Variants in RXRA observed in about 807,000 individuals in gnomAD.
RXRA encodes retinoic acid receptor RXR-alpha.
Under a neutral mutation model 44.5 loss-of-function variants are expected in RXRA, and 5 were observed. The ratio of observed to expected loss-of-function variants is 0.11; its 90% confidence interval spans 0.06 to 0.24. The LOEUF is 0.24. RXRA is among the 10% of genes least tolerant of loss of function. RXRA has a pLI of 1.00. For synonymous variants in RXRA, 291 were observed against 271.4 expected (o/e 1.07, Z -0.71); for missense variants, 412 against 646.5 (o/e 0.64, Z 3.93).
chr9:134,372,374 G>A (rs1830501659), intron 1 of RXRA, among the ~76,000 whole-genome samples: 1 of 152,204 alleles, frequency 6.6e-6, no homozygotes, highest in South Asian at 2.1e-4. Context: ...GTCCTGGGCC[G>A]ATTATGGGAG....
intron 1 of RXRA, among the ~76,000 whole-genome samples, chr9:134,328,559 A>G (rs1834951923): frequency 6.6e-6 from 1 of 152,174 alleles, no homozygotes; most frequent in Non-Finnish European, 1.5e-5. Context: ...CCCAGGGCTG[A>G]GCAGAGAGCC....
rs540011152 is a variant in RXRA at position 134,379,617 on chromosome 9, G to T, written c.29-22015G>T. 8.3e-5 allele frequency: 82 copies of T among 985,408 alleles called. No homozygotes were observed. The African/African-American group carries it at 1.3e-3, about 16-fold the overall frequency. The allele number at this position is 985,408 out of a possible 1,614,324, so 61.0% of individuals were successfully genotyped here. ...TCCTGTGCTCCCTGACAGCCGCAGG[G>T]TCTCACCCTCCTGCTCCAGCCCCTC... is the stretch of plus-strand genomic sequence containing the variant. On this transcript the variant is annotated intron_variant, in intron 1 of 9. Transcript: ENST00000481739.
At chr9:134,367,303 G>T (rs1420639943) in intron 1 of RXRA, among the ~76,000 whole-genome samples, 3 of 152,160 alleles carry the variant, frequency 2.0e-5, no homozygotes, top group Admixed American at 6.5e-5. Flanking sequence ...TAGGTGCTGC[G>T]CTGGGCAGGG....
intron 6 of RXRA, chr9:134,422,816 G>A (rs1372924523): frequency 1.0e-6 from 1 of 985,352 alleles, no homozygotes; most frequent in Non-Finnish European, 1.2e-6. Flanking sequence ...GAGGTAATGG[G>A]CTGTCGGTGG....
chr9:134,342,982 G>A lies in RXRA; in HGVS notation c.28+16323G>A, dbSNP rs782721624. On this transcript the variant is annotated intron_variant, in intron 1 of 9. Coordinates refer to ENST00000481739, the MANE Select transcript of RXRA (RefSeq NM_002957.6). This position sits in a 1 kb window ranked among gnomAD's most constrained non-coding sequence, Gnocchi z 4.4. The stretch of plus-strand genomic sequence containing the variant: ...ATTAGAGGCCAGGAAACCCAATCCC[G>A]CAGCCTAGGCAGTGGGGGGACCTCC... Among the ~76,000 whole-genome samples, 3 of 152,182 alleles carry A rather than the reference G, an allele frequency of 2.0e-5. No individual in the cohort carries two copies. The highest frequency in any genetic ancestry group is 4.8e-5 in the African/African-American group (2 of 41,438).
Position 134,407,542 on chromosome 9 carries a change from G to A in RXRA, c.280-607G>A, listed in dbSNP as rs546752419. On this transcript the variant is annotated intron_variant, in intron 2 of 9. Transcript: ENST00000481739. The surrounding 1 kb of genome is among the most constrained non-coding windows in gnomAD (Gnocchi z 4.8). ...CGGCAGCGTGCGGGCCGGCGGGTGGGGCGGAGGGGTGTGCAGAGAGGCCAG... is the reference window on the plus strand; with the variant it reads ...CGGCAGCGTGCGGGCCGGCGGGTGGAGCGGAGGGGTGTGCAGAGAGGCCAG... Among the ~76,000 whole-genome samples, 1 of 152,338 alleles carries A rather than the reference G, an allele frequency of 6.6e-6. No individual in the cohort carries two copies. The highest frequency in any genetic ancestry group is 2.4e-5 in the African/African-American group (1 of 41,572).
At chr9:134,413,000 C>T (rs999220510) in intron 4 of RXRA, among the ~76,000 whole-genome samples, 8 of 152,202 alleles carry the variant, frequency 5.3e-5, no homozygotes, top group African/African-American at 9.6e-5. Flanking sequence ...TATGTGTGCA[C>T]GTGTGTGCAT....
Position 134,417,235 on chromosome 9 carries a change from A to T in RXRA, c.688A>T (p.Met230Leu). ...VESTSSANED[M>L]PVERILEAEL... ...GTCGACCAGCAGCGCCAACGAGGACATGCCGGTGGAGAGGATCCTGGAGGC... is the reference window on the plus strand; with the variant it reads ...GTCGACCAGCAGCGCCAACGAGGACTTGCCGGTGGAGAGGATCCTGGAGGC... Residue 230 changes from methionine to leucine, a missense_variant, in exon 5 of 10, where the codon ATG becomes TTG. Met to Leu is a conservative substitution (Grantham distance 15). Coordinates refer to ENST00000481739, the MANE Select transcript of RXRA (RefSeq NM_002957.6). This position sits in a 1 kb window ranked among gnomAD's most constrained non-coding sequence, Gnocchi z 6.1. 1.2e-6 allele frequency: 2 copies of T among 1,613,884 alleles called. No homozygotes were observed. The highest frequency in any genetic ancestry group is 1.7e-6 in the Non-Finnish European group (2 of 1,179,980).
intron 1 of RXRA, among the ~76,000 whole-genome samples, chr9:134,368,082 C>T (rs1199089028): frequency 2.0e-5 from 3 of 152,234 alleles, no homozygotes; most frequent in African/African-American, 4.8e-5. Flanking sequence ...CCTGCGGCAG[C>T]GGGCCTGGGG....
Position 134,401,818 on chromosome 9 carries a change from T to C in RXRA, c.215T>C (p.Met72Thr), listed in dbSNP as rs200887536. 1 of 1,611,990 alleles carries C rather than the reference T, an allele frequency of 6.2e-7. No homozygotes were observed. Among genetic ancestry groups the C allele is most frequent in the East Asian group, 2.2e-5 (1 of 44,782 alleles). ...CCTTTCTCGGTCATCAGCTCCCCCATGGGCCCCCACTCCATGTCGGTGCCC... is the reference window on the plus strand; with the variant it reads ...CCTTTCTCGGTCATCAGCTCCCCCACGGGCCCCCACTCCATGTCGGTGCCC... ...GPPFSVISSP[M>T]GPHSMSVPTT... The change falls in exon 2 of 10, where the codon ATG (methionine) becomes ACG (threonine). Residue 72 changes from methionine to threonine, a missense_variant. Transcript: ENST00000481739.
intron 1 of RXRA, among the ~76,000 whole-genome samples, chr9:134,357,018 G>A (rs1588261754): frequency 6.6e-6 from 1 of 152,376 alleles, no homozygotes; most frequent in Non-Finnish European, 1.5e-5. Flanking sequence ...GGCAGAGCCG[G>A]GGAGGCGTGA....
Position 134,422,799 on chromosome 9 carries a change from C to T in RXRA, c.910+994C>T, listed in dbSNP as rs1162377120. The T allele has an allele frequency of 1.2e-5, 12 of 985,352 alleles. No individual in the cohort carries two copies. The East Asian group carries it at 3.4e-4, about 28-fold the overall frequency. The allele number at this position is 985,352 out of a possible 1,614,324, so 61.0% of individuals were successfully genotyped here. On this transcript the variant is annotated intron_variant, in intron 6 of 9. Coordinates refer to ENST00000481739, the MANE Select transcript of RXRA (RefSeq NM_002957.6). The stretch of plus-strand genomic sequence containing the variant: ...GTACCATGCGGGGTCTCTCAGTGGC[C>T]TTCAGAGAGGTAATGGGCTGTCGGT...
At chr9:134,356,607 C>T (rs1830286682) in intron 1 of RXRA, among the ~76,000 whole-genome samples, 1 of 152,222 alleles carries the variant, frequency 6.6e-6, no homozygotes, top group African/African-American at 2.4e-5. Context: ...GTCTTATCAC[C>T]AAGAGATGGC....
At chr9:134,327,054 G>T (rs1018752604) in intron 1 of RXRA, among the ~76,000 whole-genome samples, 7 of 151,970 alleles carry the variant, frequency 4.6e-5, no homozygotes, top group African/African-American at 1.7e-4. Flanking sequence ...CTGGGGACCG[G>T]GACGGCGCGC....
chr9:134,330,073 G>A (rs1240572974), intron 1 of RXRA, among the ~76,000 whole-genome samples: 4 of 152,204 alleles, frequency 2.6e-5, no homozygotes, highest in South Asian at 2.1e-4. Context: ...CTTGGGTGAC[G>A]TTTGGTTTTG....
chr9:134,426,122 A>C lies in RXRA; in HGVS notation c.911-2986A>C. 1.0e-6 allele frequency: 1 copy of C among 985,410 alleles called. No individual in the cohort carries two copies. The allele number at this position is 985,410 out of a possible 1,614,324, so 61.0% of individuals were successfully genotyped here. A position where few individuals can be genotyped will look rare whatever the true frequency, so the allele number is the denominator to read the frequency against. On this transcript the variant is annotated intron_variant, in intron 6 of 9. Transcript: ENST00000481739. This position sits in a 1 kb window ranked among gnomAD's most constrained non-coding sequence, Gnocchi z 4.6. The stretch of plus-strand genomic sequence containing the variant: ...GGGCCAGCCTCTTGAGTTGGAGGAC[A>C]TAGTGACCAAGGGAGCAGCCCCAGG...
In RXRA at chr9:134,433,574, C is replaced by CA. The variant is rs1831567143; in HGVS notation, c.1136-528_1136-527insA. On this transcript the variant is annotated intron_variant, in intron 8 of 9. Coordinates refer to ENST00000481739, the MANE Select transcript of RXRA (RefSeq NM_002957.6). This position sits in a 1 kb window ranked among gnomAD's most constrained non-coding sequence, Gnocchi z 4.2. ...CCCTGGGCCTTGGAGGTTTTGGTGG[C>CA]TGCAATCTTAGCCTCTCTGTCCACT... 6.6e-6 allele frequency among the ~76,000 whole-genome samples: 1 copy of CA among 152,060 alleles called. No homozygotes were observed. The highest frequency in any genetic ancestry group is 2.4e-5 in the African/African-American group (1 of 41,368).
At chr9:134,429,659 G>A (rs1008470251) in intron 7 of RXRA, among the ~76,000 whole-genome samples, 42 of 152,168 alleles carry the variant, frequency 2.8e-4, no homozygotes, top group Admixed American at 2.7e-3. Context: ...GCCTGTCCCC[G>A]TGCAGGCAGG....
chr9:134,368,845 T>TGTGTGTGAAA (rs1303006923), intron 1 of RXRA, among the ~76,000 whole-genome samples: 1 of 148,072 alleles, frequency 6.8e-6, no homozygotes, highest in Non-Finnish European at 1.5e-5. Flanking sequence ...ACTGCATATG[T>TGTGTGTGAAA]GTGTGTGAAA....
Sources: allele counts gnomAD v4.1 joint callset (sites outside exome capture counted in the v4.1 genomes callset), GRCh38; gene constraint gnomAD v4.1.1; non-coding constraint Gnocchi (gnomAD v3.1); transcripts MANE v1.5; gene names NCBI Gene and HGNC (gene_info 2026-07-23, HGNC 2026-07-21).